Variants in SLC25A23 observed in about 807,000 individuals in gnomAD.
SLC25A23 encodes solute carrier family 25 member 23, also known as mitochondrial adenyl nucleotide antiporter SLC25A23.
SLC25A23 carries 32 observed loss-of-function variants against 53.9 expected under a neutral mutation model. That is an observed-to-expected ratio of 0.59 (90% CI 0.45 to 0.80). The LOEUF is 0.80. SLC25A23 is among the 30% of genes least tolerant of loss of function. The probability of loss-of-function intolerance (pLI) is 0.00; values close to 1 mark genes in which losing one functional copy is unlikely to be tolerated. For synonymous variants in SLC25A23, 275 were observed against 264.5 expected, an observed-to-expected ratio of 1.04 and a Z score of -0.38; for missense variants, 575 against 651.4, an observed-to-expected ratio of 0.88 and a Z score of 1.28.
At chr19:6,442,738 A>G (rs568923372) in intron 9 of SLC25A23, among the ~76,000 whole-genome samples, 1 of 152,054 alleles carries the variant, frequency 6.6e-6, no homozygotes, top group African/African-American at 2.4e-5. Context: ...TATAGTAGAG[A>G]CGGGGTTTCT....
rs1476045707 is a variant in SLC25A23 at position 6,452,376 on chromosome 19, C to T, written c.1007G>A (p.Arg336His). 9 of 1,613,526 alleles carry T rather than the reference C, an allele frequency of 5.6e-6. No individual in the cohort carries two copies. Among genetic ancestry groups the T allele is most frequent in the East Asian group, 2.2e-5 (1 of 44,870 alleles). The change falls in exon 8 of 10, where the codon CGC becomes CAC. Residue 336 changes from arginine (R) to histidine (H), a missense_variant. Transcript: ENST00000301454. ...GCCCAGCACGTTGGGGAGGTAGCCGCGGTAGAAGGCACGGGGCCCCTCCCT... is the reference window on the plus strand; with the variant it reads ...GCCCAGCACGTTGGGGAGGTAGCCGTGGTAGAAGGCACGGGGCCCCTCCCT... ...LEREGPRAFY[R>H]GYLPNVLGII...
downstream of SLC25A23, chr19:6,438,052 A>C (rs1030725986): frequency 4.6e-5 from 7 of 151,188 alleles, no homozygotes; most frequent in African/African-American, 1.7e-4. Context: ...TCCAAAAAAA[A>C]AAAAAAAAAC....
chr19:6,456,278 C>A, intron 4 of SLC25A23, 142 bp downstream of exon 4: 1 of 948,914 alleles, frequency 1.1e-6, no homozygotes, highest in Non-Finnish European at 1.6e-6. Flanking sequence ...GAGGAACAGA[C>A]CCTCATCCGT....
intron 2 of SLC25A23, 22 bp from the exon 3 acceptor site, chr19:6,457,612 G>C (rs1262431875): frequency 6.2e-7 from 1 of 1,608,778 alleles, no homozygotes; most frequent in Non-Finnish European, 8.5e-7. Context: ...GCCGGAGGTG[G>C]GGAAGGATGT....
Position 6,454,709 on chromosome 19 carries a change from G to A in SLC25A23, c.492C>T (p.Asp164=), listed in dbSNP as rs368733973. 1 of 1,613,942 alleles carries A rather than the reference G, an allele frequency of 6.2e-7. No individual in the cohort carries two copies. ...CCGGCACTGTCAGGCACTCGCCAAT[G>A]TCCAGGACCTAAAGATACAGGTGTT... ...LYFWKHSTVL[D]IGECLTVPDE... The change falls in exon 5 of 10, where the codon GAC becomes GAT. Residue 164 remains aspartate, a synonymous_variant. Transcript: ENST00000301454. This position sits in a 1 kb window ranked among gnomAD's most constrained non-coding sequence, Gnocchi z 4.3.
intron 8 of SLC25A23, among the ~76,000 whole-genome samples, chr19:6,447,944 T>C (rs920305633): frequency 6.6e-6 from 1 of 152,148 alleles, no homozygotes; most frequent in Admixed American, 6.6e-5. Flanking sequence ...GTGCTGGGAT[T>C]ACAGGAGTGA....
At chr19:6,443,312 T>G (rs1174094903) in intron 9 of SLC25A23, among the ~76,000 whole-genome samples, 1 of 152,082 alleles carries the variant, frequency 6.6e-6, no homozygotes, top group Non-Finnish European at 1.5e-5. Context: ...CATAGCTCAC[T>G]GCAGCCTCAA....
At chr19:6,443,536 C>T (rs1300268505) in intron 9 of SLC25A23, 1 of 698,798 alleles carries the variant, frequency 1.4e-6, no homozygotes, top group Non-Finnish European at 2.6e-6. Flanking sequence ...CCTCCTTCTC[C>T]CCTTTATACA....
rs1568373881 is a variant in SLC25A23 at position 6,454,355 on chromosome 19, CG to C, written c.762del (p.Glu255SerfsTer49). The C allele has an allele frequency of 6.2e-7, 1 of 1,614,124 alleles. No homozygotes were observed. The highest frequency in any genetic ancestry group is 1.1e-5 in the South Asian group (1 of 91,078). The stretch of plus-strand genomic sequence containing the variant: ...TAGGCCATGAACTTGATAGCTGACT[CG>C]GGGGCAATCTTGAGTACATTAATAC... ...GNGINVLKIA[P>X]ESAIKFMAYE... On this transcript the variant is annotated frameshift_variant, in exon 6 of 10. Coordinates refer to ENST00000301454, the MANE Select transcript of SLC25A23 (RefSeq NM_024103.3). LOFTEE classifies it high-confidence loss of function. This position sits in a 1 kb window ranked among gnomAD's most constrained non-coding sequence, Gnocchi z 4.3.
chr19:6,445,082 C>T (rs1396874667), intron 8 of SLC25A23, among the ~76,000 whole-genome samples: 1 of 151,846 alleles, frequency 6.6e-6, no homozygotes, highest in Non-Finnish European at 1.5e-5. Flanking sequence ...GGATTACAGG[C>T]ATGAGCCACC....
rs758932660 is a variant in SLC25A23, at chr19:6,459,476, T to C, written c.153A>G (p.Gln51=). ...LGGGNPDPGA[Q]QGISSEGDAD... is the part of the protein sequence containing the mutation. ...AGGTCCCTGGGGGTGGGGGTACCTGTTGGGCGCCGGGGTCTGGGTTGCCCC... is the reference window on the plus strand; with the variant it reads ...AGGTCCCTGGGGGTGGGGGTACCTGCTGGGCGCCGGGGTCTGGGTTGCCCC... The change falls in exon 1 of 10, where the codon CAA becomes CAG. Residue 51 remains glutamine, a synonymous_variant. Coordinates refer to ENST00000301454, the MANE Select transcript of SLC25A23 (RefSeq NM_024103.3). This position sits in a 1 kb window ranked among gnomAD's most constrained non-coding sequence, Gnocchi z 4.6. 4.2e-5 allele frequency: 67 copies of C among 1,588,064 alleles called. No homozygotes were observed. The highest frequency in any genetic ancestry group is 5.6e-5 in the Non-Finnish European group (66 of 1,174,080).
At chr19:6,436,774 C>T (rs991335487), downstream of SLC25A23, among the ~76,000 whole-genome samples, 2 of 151,906 alleles carry the variant, frequency 1.3e-5, no homozygotes, top group African/African-American at 4.8e-5. Context: ...TCTCGAACTC[C>T]TGACCTCAGG....
Position 6,459,333 on chromosome 19 carries a change from A to C in SLC25A23, c.156+140T>G. On this transcript the variant is annotated intron_variant, in intron 1 of 9. Transcript: ENST00000301454. The surrounding 1 kb of genome is among the most constrained non-coding windows in gnomAD (Gnocchi z 4.6). The stretch of plus-strand genomic sequence containing the variant: ...CCCGTTAGGCCAAACACGAGTGGGT[A>C]GGGGGAACGAGACAGAGACACAGGT... 6.1e-6 allele frequency: 4 copies of C among 656,552 alleles called. No individual in the cohort carries two copies. Among genetic ancestry groups the C allele is most frequent in the Middle Eastern group, 4.5e-4 (1 of 2,244 alleles). The allele number at this position is 656,552 out of a possible 1,614,324, so 40.7% of individuals were successfully genotyped here.
At chr19:6,448,349 C>T (rs901625550) in intron 8 of SLC25A23, among the ~76,000 whole-genome samples, 1 of 152,132 alleles carries the variant, frequency 6.6e-6, no homozygotes, top group Non-Finnish European at 1.5e-5. Context: ...ATTTTAGAAG[C>T]CTTCTTTTGG....
chr19:6,454,002 T>G lies in SLC25A23; in HGVS notation c.882A>C (p.Gln294His). 1.9e-6 allele frequency: 3 copies of G among 1,613,202 alleles called. No homozygotes were observed. The highest frequency in any genetic ancestry group is 1.7e-6 in the Non-Finnish European group (2 of 1,179,888). ...TCACCTCCATAGGGTAAATGATGGT[T>G]TGGGCTGTGGCACCAGCCAGGGAGC... ...VAGSLAGATA[Q>H]TIIYPMEVLK... The change falls in exon 7 of 10, where the codon CAA (glutamine) becomes CAC (histidine). Residue 294 changes from glutamine (Q) to histidine (H), a missense_variant. Physicochemically the swap from Gln to His is conservative, Grantham distance 24. Coordinates refer to ENST00000301454, the MANE Select transcript of SLC25A23 (RefSeq NM_024103.3). The surrounding 1 kb of genome is among the most constrained non-coding windows in gnomAD (Gnocchi z 4.3).
intron 9 of SLC25A23, 54 bp downstream of exon 9, chr19:6,444,097 C>A: frequency 6.8e-7 from 1 of 1,467,472 alleles, no homozygotes; most frequent in Non-Finnish European, 9.1e-7. Context: ...TTGGGAGAAG[C>A]TGGGGCCCAA....
intron 8 of SLC25A23, among the ~76,000 whole-genome samples, chr19:6,450,379 C>T (rs1313049397): frequency 1.3e-5 from 2 of 152,146 alleles, no homozygotes; most frequent in Non-Finnish European, 2.9e-5. Context: ...ACCCCCCTCC[C>T]GCCCACTGTT....
chr19:6,452,353 C>G lies in SLC25A23; in HGVS notation c.1030G>C (p.Gly344Arg). ...TCGATGCCCGCATAGGGGATGATGC[C>G]CAGCACGTTGGGGAGGTAGCCGCGG... ...FYRGYLPNVL[G>R]IIPYAGIDLA... Residue 344 changes from glycine to arginine, a missense_variant, in exon 8 of 10, where the codon GGC (glycine) becomes CGC (arginine). Gly to Arg is a moderately radical substitution (Grantham distance 125). Transcript: ENST00000301454. 6.2e-7 allele frequency: 1 copy of G among 1,613,636 alleles called. No individual in the cohort carries two copies. The highest frequency in any genetic ancestry group is 8.5e-7 in the Non-Finnish European group (1 of 1,179,862).
Position 6,454,686 on chromosome 19 carries a change from G to A in SLC25A23, c.515C>T (p.Pro172Leu), listed in dbSNP as rs2092651158. 1.2e-6 allele frequency: 2 copies of A among 1,614,008 alleles called. No individual in the cohort carries two copies. Among genetic ancestry groups the A allele is most frequent in the Non-Finnish European group, 1.7e-6 (2 of 1,180,020 alleles). The change falls in exon 5 of 10, where the codon CCG becomes CTG. Residue 172 changes from proline (P) to leucine (L), a missense_variant. Transcript: ENST00000301454. The surrounding 1 kb of genome is among the most constrained non-coding windows in gnomAD (Gnocchi z 4.3). The stretch of plus-strand genomic sequence containing the variant: ...CTTCTCTTGCTTTGAGAACTCGTCC[G>A]GCACTGTCAGGCACTCGCCAATGTC... Reference protein sequence around the residue: ...VLDIGECLTVPDEFSKQEKLT... With the variant: ...VLDIGECLTVLDEFSKQEKLT...
Sources: allele counts gnomAD v4.1 joint callset (sites outside exome capture counted in the v4.1 genomes callset), GRCh38; gene constraint gnomAD v4.1.1; non-coding constraint Gnocchi (gnomAD v3.1); transcripts MANE v1.5; gene names NCBI Gene and HGNC (gene_info 2026-07-23, HGNC 2026-07-21).